The following ARRDC2 variants were observed in gnomAD, a reference collection of about 807,000 sequenced individuals.
The protein encoded by ARRDC2 is arrestin domain-containing protein 2.
ARRDC2 carries 39 observed loss-of-function variants against 38.9 expected under a neutral mutation model. That is an observed-to-expected ratio of 1.00 (90% confidence interval 0.78 to 1.31). ARRDC2 has a LOEUF of 1.31. Ranked by LOEUF, ARRDC2 falls within the 50% of genes most tolerant of loss-of-function variation. The probability of loss-of-function intolerance (pLI) is 0.00; values close to 1 mark genes in which losing one functional copy is unlikely to be tolerated. For synonymous variants in ARRDC2, 300 were observed against 261.9 expected (o/e 1.15, Z -1.41); for missense variants, 553 against 588.4 (o/e 0.94, Z 0.62).
chr19:18,008,086 G>A (rs1207228791), upstream of ARRDC2: 3 of 1,203,072 alleles, frequency 2.5e-6, no homozygotes, highest in Non-Finnish European at 3.3e-6. Flanking sequence ...TATTGGTGGA[G>A]TCCCTTCCCG....
upstream of ARRDC2, chr19:18,007,920 T>A (rs1367780341): frequency 3.2e-6 from 1 of 315,360 alleles, no homozygotes. Flanking sequence ...CCTCTTTTTT[T>A]CCTCTTTACC....
At chr19:18,005,194 TAAC>T (rs2033247920), upstream of ARRDC2, among the ~76,000 whole-genome samples, 1 of 151,714 alleles carries the variant, frequency 6.6e-6, no homozygotes, top group Non-Finnish European at 1.5e-5. Context: ...TGATGACTCT[TAAC>T]GAGCATGCTG....
Position 18,013,120 on chromosome 19 carries a change from T to C in ARRDC2, c.*154T>C, listed in dbSNP as rs77725862. ...AGGCGGGGGCCTTTCGGATATCACA[T>C]GGGACAGAGGAAGAGCCCGGCTGGA... On this transcript the variant is annotated 3_prime_UTR_variant, in exon 8 of 8. Coordinates refer to ENST00000222250, the MANE Select transcript of ARRDC2 (RefSeq NM_015683.2). The C allele has an allele frequency of 7.1e-3, 5,298 of 749,556 alleles. 187 individuals carry two copies. In the African/African-American group the frequency reaches 0.079, roughly 11 times the overall value. The allele number at this position is 749,556 out of a possible 1,614,324, so 46.4% of individuals were successfully genotyped here. A position where few individuals can be genotyped will look rare whatever the true frequency, so the allele number is the denominator to read the frequency against.
In ARRDC2 at chr19:18,008,691, C is replaced by G; in HGVS notation, c.275-20C>G. On this transcript the variant is annotated intron_variant, in intron 1 of 7. Transcript: ENST00000222250. ...CCCCAGCGCAACCGCTCAGTCGCCT[C>G]CTTTTTCTCCTACCTGCAGATACCG... 1.2e-6 allele frequency: 2 copies of G among 1,612,442 alleles called. No homozygotes were observed. Among genetic ancestry groups the G allele is most frequent in the South Asian group, 2.2e-5 (2 of 91,088 alleles).
chr19:18,002,320 T>C (rs1216916256), intron 1 of ARRDC2, among the ~76,000 whole-genome samples: 1 of 152,178 alleles, frequency 6.6e-6, no homozygotes, highest in Non-Finnish European at 1.5e-5. Context: ...CACATTCTCC[T>C]GGGAGTCTGG....
chr19:18,005,689 C>T (rs1319483339), upstream of ARRDC2, among the ~76,000 whole-genome samples: 1 of 150,826 alleles, frequency 6.6e-6, no homozygotes, highest in Admixed American at 6.6e-5. Flanking sequence ...CCACCTCCCT[C>T]CCGGATGGGG....
intron 1 of ARRDC2, among the ~76,000 whole-genome samples, chr19:18,002,555 C>T (rs1568464697): frequency 6.6e-6 from 1 of 152,186 alleles, no homozygotes; most frequent in Non-Finnish European, 1.5e-5. Context: ...TAAAATGGGC[C>T]GGGAGGGAGG....
chr19:18,003,586 G>C (rs775495575), upstream of ARRDC2, among the ~76,000 whole-genome samples: 4 of 151,814 alleles, frequency 2.6e-5, no homozygotes, highest in Non-Finnish European at 4.4e-5. Context: ...TCAGCCTCCC[G>C]AGTAGCTGGG....
chr19:18,005,531 C>T (rs1049821641), upstream of ARRDC2, among the ~76,000 whole-genome samples: 7 of 144,750 alleles, frequency 4.8e-5, no homozygotes. Flanking sequence ...GGGTGGTGGC[C>T]GGGCAGAGGG....
chr19:18,008,729 C>T lies in ARRDC2; in HGVS notation c.293C>T (p.Thr98Met). Reference sequence around the variant, plus strand: ...CCTGCAGATACCGGGGAGACCACGACGCTGCCTCCTGGGCGCCATGAGTTC... The same window carrying T: ...CCTGCAGATACCGGGGAGACCACGATGCTGCCTCCTGGGCGCCATGAGTTC... ...LLAPDTGETT[T>M]LPPGRHEFLF... The change falls in exon 2 of 8, where the codon ACG (threonine) becomes ATG (methionine). Residue 98 changes from threonine to methionine, a missense_variant. This residue lies in a region of ARRDC2 where 447 missense variants were observed against 456.6 expected (regional missense o/e 0.98). Coordinates refer to ENST00000222250, the MANE Select transcript of ARRDC2 (RefSeq NM_015683.2). 1.2e-6 allele frequency: 2 copies of T among 1,613,550 alleles called. No individual in the cohort carries two copies. The highest frequency in any genetic ancestry group is 1.7e-6 in the Non-Finnish European group (2 of 1,180,014).
upstream of ARRDC2, among the ~76,000 whole-genome samples, chr19:18,003,294 T>C (rs1001109029): frequency 1.3e-5 from 2 of 151,986 alleles, no homozygotes; most frequent in Non-Finnish European, 2.9e-5. Flanking sequence ...TGAGACAGGG[T>C]CTTACTCTGT....
In ARRDC2 at chr19:18,002,824, C is replaced by T. The variant is rs140486634; in HGVS notation, c.259+1251C>T. Among the ~76,000 whole-genome samples, 26 of 152,296 alleles carry T rather than the reference C, an allele frequency of 1.7e-4. No homozygotes were observed. The East Asian group carries it at 4.8e-3, about 28-fold the overall frequency. On this transcript the variant is annotated intron_variant, in intron 1 of 7. Coordinates refer to the ARRDC2 transcript ENST00000379656. ...TTCCTTAAAACACTGGAGAGGCAGC[C>T]GGGTGCGGTGGCTCACGCCTGTAAT...
intron 1 of ARRDC2, chr19:18,001,629 C>A: frequency 7.8e-7 from 1 of 1,283,672 alleles, no homozygotes; most frequent in South Asian, 2.2e-5. Context: ...GGCCGCGACC[C>A]TCTTCAGGGC....
At chr19:18,008,643 C>A in intron 1 of ARRDC2, 59 bp downstream of exon 1, 1 of 1,601,338 alleles carries the variant, frequency 6.2e-7, no homozygotes. Flanking sequence ...ACCTGGACGG[C>A]GGTACCTCCG....
At chr19:18,008,636 T>C in intron 1 of ARRDC2, 52 bp downstream of exon 1, 1 of 1,601,444 alleles carries the variant, frequency 6.2e-7, no homozygotes, top group Non-Finnish European at 8.5e-7. Flanking sequence ...TCCCACCACC[T>C]GGACGGCGGT....
rs1452943012 is a variant in ARRDC2 at position 18,009,372 on chromosome 19, G to A, written c.490-220G>A. On this transcript the variant is annotated intron_variant, in intron 3 of 7. Coordinates refer to ENST00000222250, the MANE Select transcript of ARRDC2 (RefSeq NM_015683.2). Reference sequence around the variant, plus strand: ...ATAGACCAGAGCTAGGGCTTACCAAGTGTGAATTACACACCAAACACTTGG... The same window carrying A: ...ATAGACCAGAGCTAGGGCTTACCAAATGTGAATTACACACCAAACACTTGG... The A allele has an allele frequency of 1.1e-5, 7 of 631,978 alleles. No individual in the cohort carries two copies. In the Admixed American group the frequency reaches 1.8e-4, roughly 16 times the overall value. 39.1% of individuals were successfully genotyped at this position (631,978 alleles called of 1,614,324 possible). A position where few individuals can be genotyped will look rare whatever the true frequency, so the allele number is the denominator to read the frequency against.
At chr19:18,003,657 G>GT (rs1568464998), upstream of ARRDC2, among the ~76,000 whole-genome samples, 1 of 136,158 alleles carries the variant, frequency 7.3e-6, no homozygotes, top group Non-Finnish European at 1.6e-5. Context: ...TGTTTGTTTG[G>GT]GGGACGGAGT....
Position 18,013,178 on chromosome 19 carries a change from G to A in ARRDC2, c.*212G>A. On this transcript the variant is annotated 3_prime_UTR_variant, in exon 8 of 8. Coordinates refer to ENST00000222250, the MANE Select transcript of ARRDC2 (RefSeq NM_015683.2). The stretch of plus-strand genomic sequence containing the variant: ...TTACCTGGACCGCTGTCCTTGTGAG[G>A]CATTGAATGCCCAGTGCAGTATCCG... 4 of 580,136 alleles carry A rather than the reference G, an allele frequency of 6.9e-6. No individual in the cohort carries two copies. Among genetic ancestry groups the A allele is most frequent in the Non-Finnish European group, 1.2e-5 (4 of 326,630 alleles). 35.9% of individuals were successfully genotyped at this position (580,136 alleles called of 1,614,324 possible). A position where few individuals can be genotyped will look rare whatever the true frequency, so the allele number is the denominator to read the frequency against.
intron 1 of ARRDC2, among the ~76,000 whole-genome samples, chr19:18,002,325 G>A (rs1050319304): frequency 9.2e-5 from 14 of 152,208 alleles, no homozygotes; most frequent in Non-Finnish European, 1.6e-4. Flanking sequence ...TCTCCTGGGA[G>A]TCTGGGTCTT....
Sources: allele counts gnomAD v4.1 joint callset (sites outside exome capture counted in the v4.1 genomes callset), GRCh38; gene constraint gnomAD v4.1.1; regional missense constraint gnomAD v4.1.1; transcripts MANE v1.5; gene names NCBI Gene and HGNC (gene_info 2026-07-23, HGNC 2026-07-21).